The following BRINP2 variants were observed in gnomAD, a reference collection of about 807,000 sequenced individuals.
The protein encoded by BRINP2 is BMP/retinoic acid-inducible neural-specific protein 2.
A neutral mutation model predicts 69.2 loss-of-function variants in BRINP2; 21 were observed. The observed-to-expected ratio is 0.30, with a 90% CI of 0.22 to 0.44. The LOEUF is 0.44. Among genes scored for constraint, BRINP2 ranks in the 20% least tolerant of loss-of-function variants. BRINP2 has a pLI of 1.00. For synonymous variants in BRINP2, 380 were observed against 394.1 expected, an observed-to-expected ratio of 0.96 and a Z score of 0.42; for missense variants, 877 against 986.0, an observed-to-expected ratio of 0.89 and a Z score of 1.48.
chr1:177,234,088 T>A (rs1649942489), intron 2 of BRINP2, among the ~76,000 whole-genome samples: 1 of 152,216 alleles, frequency 6.6e-6, no homozygotes, highest in Non-Finnish European at 1.5e-5. Flanking sequence ...AGGCTCATGG[T>A]AAGAGCTAGA....
At chr1:177,271,217 A>G (rs922889338) in intron 4 of BRINP2, among the ~76,000 whole-genome samples, 1 of 152,244 alleles carries the variant, frequency 6.6e-6, no homozygotes, top group Non-Finnish European at 1.5e-5. Flanking sequence ...AGGTGACTGT[A>G]TGACCTGGAA....
At chr1:177,236,100 G>A (rs1020971138) in intron 2 of BRINP2, among the ~76,000 whole-genome samples, 1 of 152,212 alleles carries the variant, frequency 6.6e-6, no homozygotes. Flanking sequence ...CCACAGGGGT[G>A]AGAAGGTAGG....
Position 177,230,024 on chromosome 1 carries a change from G to A in BRINP2, c.148G>A (p.Ala50Thr), listed in dbSNP as rs1373247707. The change falls in exon 2 of 8, where the codon GCT becomes ACT. Residue 50 changes from alanine (A) to threonine (T), a missense_variant. Ala to Thr is a moderately conservative substitution (Grantham distance 58, BLOSUM62 0). Coordinates refer to ENST00000361539, the MANE Select transcript of BRINP2 (RefSeq NM_021165.4). Reference protein sequence around the residue: ...AVVPEQHASVAGQHPLDWLLT... With the variant: ...AVVPEQHASVTGQHPLDWLLT... ...GGTCCCCGAGCAGCATGCCTCCGTA[G>A]CTGGCCAGCATCCCCTGGACTGGCT... is the stretch of plus-strand genomic sequence containing the variant. 9 of 1,613,652 alleles carry A rather than the reference G, an allele frequency of 5.6e-6. No homozygotes were observed. The Middle Eastern group carries it at 4.9e-4, about 89-fold the overall frequency.
chr1:177,203,581 A>G (rs376113402), intron 1 of BRINP2, among the ~76,000 whole-genome samples: 2 of 152,270 alleles, frequency 1.3e-5, no homozygotes, highest in African/African-American at 4.8e-5. Context: ...TTAAAAAAAA[A>G]GACCCACTGG....
At chr1:177,179,071 G>C (rs751205065) in intron 1 of BRINP2, among the ~76,000 whole-genome samples, 2 of 152,148 alleles carry the variant, frequency 1.3e-5, no homozygotes, top group Non-Finnish European at 1.5e-5. Flanking sequence ...AGACCACACA[G>C]CTAGTAACTA....
At chr1:177,191,094 A>T (rs757679103) in intron 1 of BRINP2, among the ~76,000 whole-genome samples, 2 of 152,144 alleles carry the variant, frequency 1.3e-5, no homozygotes, top group Non-Finnish European at 2.9e-5. Flanking sequence ...AGGAAGTATG[A>T]TGTCTTTATT....
chr1:177,239,927 C>A (rs1293012758), intron 2 of BRINP2, among the ~76,000 whole-genome samples: 1 of 152,250 alleles, frequency 6.6e-6, no homozygotes, highest in Non-Finnish European at 1.5e-5. Flanking sequence ...CTGCCAAGCT[C>A]TCCTCTGAGC....
At chr1:177,238,634 G>A (rs1218379679) in intron 2 of BRINP2, among the ~76,000 whole-genome samples, 1 of 152,150 alleles carries the variant, frequency 6.6e-6, no homozygotes, top group Non-Finnish European at 1.5e-5. Flanking sequence ...ACACAGTATT[G>A]AGAAATATGG....
rs777691956 is a variant in BRINP2 at position 177,229,918 on chromosome 1, G to A, written c.42G>A (p.Pro14=). 3.2e-5 allele frequency: 51 copies of A among 1,607,238 alleles called. No individual in the cohort carries two copies. The Admixed American group carries it at 7.7e-4, about 24-fold the overall frequency. The change falls in exon 2 of 8, where the codon CCG becomes CCA. Residue 14 remains proline, a synonymous_variant. Transcript: ENST00000361539. The part of the protein sequence containing the change: ...QCGTRFRGLR[P]AVAPWTALLA... Reference sequence around the variant, plus strand: ...GCACTCGGTTTAGAGGGCTTCGGCCGGCGGTGGCCCCATGGACAGCCCTGC... The same window carrying A: ...GCACTCGGTTTAGAGGGCTTCGGCCAGCGGTGGCCCCATGGACAGCCCTGC...
intron 6 of BRINP2, among the ~76,000 whole-genome samples, chr1:177,278,036 A>G (rs1651559268): frequency 6.6e-6 from 1 of 152,168 alleles, no homozygotes; most frequent in Non-Finnish European, 1.5e-5. Context: ...AGAGGAGGAC[A>G]TGGGTGGGAG....
chr1:177,178,893 A>T (rs1407970456), intron 1 of BRINP2, among the ~76,000 whole-genome samples: 1 of 152,234 alleles, frequency 6.6e-6, no homozygotes, highest in Non-Finnish European at 1.5e-5. Context: ...AATCATGGTT[A>T]TTATGGACAT....
chr1:177,263,637 C>A (rs1212488691), intron 4 of BRINP2, among the ~76,000 whole-genome samples: 1 of 152,082 alleles, frequency 6.6e-6, no homozygotes, highest in Admixed American at 6.5e-5. Context: ...AAGAACTGAT[C>A]ATGAGATCCA....
intron 1 of BRINP2, among the ~76,000 whole-genome samples, chr1:177,214,007 G>A (rs1020141420): frequency 2.0e-5 from 3 of 152,160 alleles, no homozygotes; most frequent in African/African-American, 7.2e-5. Flanking sequence ...AATTAAGTCA[G>A]GTTTCTTTAG....
At chr1:177,248,625 C>A (rs556279796) in intron 2 of BRINP2, among the ~76,000 whole-genome samples, 1 of 152,022 alleles carries the variant, frequency 6.6e-6, no homozygotes, top group African/African-American at 2.4e-5. Flanking sequence ...GAAACTGGTG[C>A]TTCTGTGTGC....
At chr1:177,232,783 GA>G (rs11325642) in intron 2 of BRINP2, among the ~76,000 whole-genome samples, 27,975 of 145,674 alleles carry the variant, frequency 0.19, 2,841 homozygotes, top group Middle Eastern at 0.23. Flanking sequence ...GTAGAAAGAG[GA>G]AAAAAAAAAA....
intron 4 of BRINP2, among the ~76,000 whole-genome samples, chr1:177,273,066 T>G (rs539240369): frequency 2.0e-5 from 3 of 152,338 alleles, no homozygotes; most frequent in East Asian, 3.9e-4. Flanking sequence ...CTTTTCATCT[T>G]TAGGATCCGT....
chr1:177,226,904 C>T (rs1185994345), intron 1 of BRINP2, among the ~76,000 whole-genome samples: 1 of 152,174 alleles, frequency 6.6e-6, no homozygotes, highest in Non-Finnish European at 1.5e-5. Flanking sequence ...TGCTACTCCC[C>T]AGGCCAGCAG....
chr1:177,189,921 A>G (rs921652535), intron 1 of BRINP2, among the ~76,000 whole-genome samples: 9 of 152,222 alleles, frequency 5.9e-5, no homozygotes, highest in South Asian at 2.1e-4. Flanking sequence ...CACTGATCAC[A>G]TCATCAGTGT....
At chr1:177,273,019 A>G (rs920892443) in intron 4 of BRINP2, among the ~76,000 whole-genome samples, 2 of 152,202 alleles carry the variant, frequency 1.3e-5, no homozygotes, top group African/African-American at 2.4e-5. Context: ...AATGTTTAAT[A>G]CTAATACTAA....
Sources: gnomAD v4.1 joint callset for allele counts (sites outside exome capture counted in the v4.1 genomes callset) on GRCh38, gnomAD v4.1.1 for gene constraint, MANE v1.5 for transcripts, NCBI Gene and HGNC (gene_info 2026-07-23, HGNC 2026-07-21) for gene names.